Variants in RUNX2 observed in about 807,000 individuals in gnomAD.
The protein encoded by RUNX2 is runt-related transcription factor 2.
A neutral mutation model predicts 51.7 loss-of-function variants in RUNX2; 10 were observed. That is an observed-to-expected ratio of 0.19 (90% CI 0.12 to 0.33). The LOEUF is 0.33. Among genes scored for constraint, RUNX2 ranks in the 10% least tolerant of loss-of-function variants. The pLI is 1.00. For missense variants in RUNX2, 562 were observed against 691.3 expected (o/e 0.81, Z 2.10); for synonymous variants, 276 against 273.6 (o/e 1.01, Z -0.09).
intron 5 of RUNX2, among the ~76,000 whole-genome samples, chr6:45,455,227 T>A (rs1205211023): frequency 6.6e-6 from 1 of 152,266 alleles, no homozygotes; most frequent in East Asian, 1.9e-4. Flanking sequence ...GAAAATATTA[T>A]TTGTACAATA....
At chr6:45,357,869 T>C (rs190943441) in intron 2 of RUNX2, among the ~76,000 whole-genome samples, 3 of 152,240 alleles carry the variant, frequency 2.0e-5, no homozygotes, top group East Asian at 1.9e-4. Context: ...GCTACAGTCA[T>C]AGGATTTTTC....
At chr6:45,473,090 A>G (rs1359634099) in intron 5 of RUNX2, among the ~76,000 whole-genome samples, 3 of 152,160 alleles carry the variant, frequency 2.0e-5, no homozygotes, top group African/African-American at 7.2e-5. Flanking sequence ...AGAACTATTT[A>G]ATAGTTGTAT....
chr6:45,342,227 T>TG (rs1789932373), intron 2 of RUNX2, among the ~76,000 whole-genome samples: 1 of 151,760 alleles, frequency 6.6e-6, no homozygotes, highest in Admixed American at 6.6e-5. Context: ...TTGTGCCTAG[T>TG]GAAAAAAAAA....
chr6:45,389,279 A>G (rs1331201832), intron 2 of RUNX2, among the ~76,000 whole-genome samples: 1 of 152,226 alleles, frequency 6.6e-6, no homozygotes, highest in African/African-American at 2.4e-5. Context: ...TGTCCCAATA[A>G]TCTTGCCATT....
intron 2 of RUNX2, among the ~76,000 whole-genome samples, chr6:45,358,475 C>G (rs947676677): frequency 6.6e-6 from 1 of 152,052 alleles, no homozygotes; most frequent in South Asian, 2.1e-4. Flanking sequence ...GAAATTCTTC[C>G]CATTAAATTG....
At chr6:45,545,842 C>T (rs141664164) in intron 8 of RUNX2, among the ~76,000 whole-genome samples, 188 of 152,260 alleles carry the variant, frequency 1.2e-3, no homozygotes, top group African/African-American at 4.2e-3. Context: ...TGGTTTATAA[C>T]GGTGGTTTCA....
At chr6:45,433,951 G>A (rs1798612962) in intron 4 of RUNX2, among the ~76,000 whole-genome samples, 2 of 152,144 alleles carry the variant, frequency 1.3e-5, no homozygotes, top group Admixed American at 1.3e-4. Flanking sequence ...TGAAGCAGCC[G>A]GGACTTGGTG....
At chr6:45,506,223 G>A (rs888288364) in intron 6 of RUNX2, among the ~76,000 whole-genome samples, 1 of 152,078 alleles carries the variant, frequency 6.6e-6, no homozygotes, top group Non-Finnish European at 1.5e-5. Flanking sequence ...CTGGTCCTCT[G>A]CTTTGTTCTC....
intron 5 of RUNX2, among the ~76,000 whole-genome samples, chr6:45,442,378 A>G (rs115582073): frequency 0.018 from 2,728 of 152,296 alleles, 83 homozygotes; most frequent in African/African-American, 0.061. Context: ...AGCAGCAGCA[A>G]TAGTAATGCA....
At chr6:45,368,179 G>A (rs777181613) in intron 2 of RUNX2, among the ~76,000 whole-genome samples, 1 of 152,124 alleles carries the variant, frequency 6.6e-6, no homozygotes, top group East Asian at 1.9e-4. Flanking sequence ...AAATGCATCT[G>A]TTTGCCATAT....
chr6:45,456,243 A>G (rs1220783744), intron 5 of RUNX2, among the ~76,000 whole-genome samples: 3 of 152,184 alleles, frequency 2.0e-5, no homozygotes, highest in Admixed American at 1.3e-4. Flanking sequence ...ATTCACATAT[A>G]CTTTTTATTT....
At chr6:45,534,646 A>G (rs1230213332) in intron 7 of RUNX2, among the ~76,000 whole-genome samples, 2 of 152,228 alleles carry the variant, frequency 1.3e-5, no homozygotes, top group Non-Finnish European at 2.9e-5. Context: ...TGGCTCCGCA[A>G]CTAACCTGAA....
intron 2 of RUNX2, among the ~76,000 whole-genome samples, chr6:45,378,223 A>C (rs1182857224): frequency 6.6e-6 from 1 of 152,166 alleles, no homozygotes; most frequent in Non-Finnish European, 1.5e-5. Flanking sequence ...ACGAGCTGAG[A>C]TCGGTCAGGG....
At position 45,492,072 on chromosome 6, in the gene RUNX2, G is replaced by A. The variant is rs1443448373; in HGVS notation, c.817G>A (p.Ala273Thr). The change falls in exon 6 of 9, where the codon GCA becomes ACA. Residue 273 changes from alanine to threonine, a missense_variant. Physicochemically the swap from Ala to Thr is moderately conservative, Grantham distance 58. Coordinates refer to ENST00000647337, the MANE Select transcript of RUNX2 (RefSeq NM_001024630.4). ...GAACCCACGGCCCTCCCTGAACTCT[G>A]CACCAAGTCCTTTTAATCCACAAGG... ...PQNPRPSLNS[A>T]PSPFNPQGQS... 6.2e-7 allele frequency: 1 copy of A among 1,613,652 alleles called. No homozygotes were observed. Among genetic ancestry groups the A allele is most frequent in the African/African-American group, 1.3e-5 (1 of 74,820 alleles).
intron 2 of RUNX2, among the ~76,000 whole-genome samples, chr6:45,420,791 A>G (rs545393104): frequency 1.3e-5 from 2 of 152,332 alleles, no homozygotes; most frequent in African/African-American, 2.4e-5. Flanking sequence ...CGGGCGCAGC[A>G]CATTGTTTTA....
chr6:45,386,745 C>A (rs148612021), intron 2 of RUNX2, among the ~76,000 whole-genome samples: 1 of 152,164 alleles, frequency 6.6e-6, no homozygotes, highest in East Asian at 1.9e-4. Context: ...GCAGAGGGAG[C>A]CGTATTAGCA....
intron 2 of RUNX2, among the ~76,000 whole-genome samples, chr6:45,336,985 A>G (rs1047767085): frequency 6.6e-6 from 1 of 151,728 alleles, no homozygotes; most frequent in African/African-American, 2.4e-5. Context: ...AAACAGTGTG[A>G]TCTGAAAACT....
intron 5 of RUNX2, among the ~76,000 whole-genome samples, chr6:45,482,030 C>T (rs1271874783): frequency 6.6e-6 from 1 of 152,102 alleles, no homozygotes; most frequent in Non-Finnish European, 1.5e-5. Context: ...TGAGAAAATA[C>T]CAGTAGAGTT....
At chr6:45,498,495 A>C (rs375495603) in intron 6 of RUNX2, among the ~76,000 whole-genome samples, 2 of 152,212 alleles carry the variant, frequency 1.3e-5, no homozygotes, top group African/African-American at 4.8e-5. Context: ...ATACTTAGAG[A>C]GAATATTTTC....
Sources: gnomAD v4.1 joint callset for allele counts (sites outside exome capture counted in the v4.1 genomes callset) on GRCh38, gnomAD v4.1.1 for gene constraint, MANE v1.5 for transcripts, NCBI Gene and HGNC (gene_info 2026-07-23, HGNC 2026-07-21) for gene names.